Variants in NFKBIZ observed in about 807,000 individuals in gnomAD.
The protein encoded by NFKBIZ is NF-kappa-B inhibitor zeta.
A neutral mutation model predicts 76.8 loss-of-function variants in NFKBIZ; 19 were observed. The ratio of observed to expected loss-of-function variants is 0.25; its 90% CI spans 0.17 to 0.36. NFKBIZ has a LOEUF of 0.36. NFKBIZ is among the 10% of genes least tolerant of loss of function. The probability of loss-of-function intolerance (pLI) is 1.00; values close to 1 mark genes in which losing one functional copy is unlikely to be tolerated. For missense variants in NFKBIZ, 829 were observed against 910.9 expected (o/e 0.91, Z 1.16); for synonymous variants, 368 against 354.8 (o/e 1.04, Z -0.42).
chr3:101,842,344 T>G (rs1942795829), intron 2 of NFKBIZ, among the ~76,000 whole-genome samples: 1 of 152,080 alleles, frequency 6.6e-6, no homozygotes, highest in Non-Finnish European at 1.5e-5. Flanking sequence ...AGATGAAGCT[T>G]GTGAGGAAGG....
intron 1 of NFKBIZ, chr3:101,850,404 A>G (rs1461176527): frequency 1.3e-5 from 2 of 152,772 alleles, no homozygotes; most frequent in Non-Finnish European, 2.9e-5. Flanking sequence ...ACCGTCAAAG[A>G]AAAGGAAACT....
rs371525887 is a variant in NFKBIZ, at chr3:101,842,586, T to G, written c.-11-9499T>G. Among the ~76,000 whole-genome samples the G allele has an allele frequency of 2.7e-3, 402 of 151,358 alleles. 3 individuals are homozygous for G. The highest frequency in any genetic ancestry group is 0.024 in the Middle Eastern group (7 of 290). On this transcript the variant is annotated intron_variant, in intron 2 of 12. Transcript: ENST00000394054. ...TTCTTTTTCTTTTTTCATTTTCTTT[T>G]CTTTTCTTTTTTTTTTTTTTTTAGC...
intron 2 of NFKBIZ, among the ~76,000 whole-genome samples, chr3:101,834,073 A>G (rs567601046): frequency 2.6e-5 from 4 of 152,250 alleles, no homozygotes; most frequent in Non-Finnish European, 5.9e-5. Context: ...ATTTTACTGG[A>G]TAAGTAGGGC....
intron 9 of NFKBIZ, 36 bp from the exon 10 acceptor site, chr3:101,857,037 T>TC (rs113782866): frequency 0.052 from 57,661 of 1,111,872 alleles, 51 homozygotes; most frequent in South Asian, 0.059. Flanking sequence ...ATCTGGATTT[T>TC]TTTTTTTTTT....
Position 101,849,932 on chromosome 3 carries a change from C to T in NFKBIZ, c.289+15C>T, listed in dbSNP as rs557746328. Reference sequence around the variant, plus strand: ...GCGCCAGCCAGGTACCCGCCGGCCCCGCACCGCTGCGTACTCGGGGCGCGC... The same window carrying T: ...GCGCCAGCCAGGTACCCGCCGGCCCTGCACCGCTGCGTACTCGGGGCGCGC... On this transcript the variant is annotated intron_variant, in intron 1 of 11. Transcript: ENST00000326172. The T allele has an allele frequency of 5.8e-6, 8 of 1,379,754 alleles. No homozygotes were observed. In the African/African-American group the frequency reaches 9.1e-5, roughly 16 times the overall value. 85.5% of individuals were successfully genotyped at this position (1,379,754 alleles called of 1,614,324 possible). A position where few individuals can be genotyped will look rare whatever the true frequency, so the allele number is the denominator to read the frequency against.
upstream of NFKBIZ, chr3:101,849,286 G>T: frequency 5.0e-6 from 1 of 201,824 alleles, no homozygotes; most frequent in East Asian, 1.1e-4. Context: ...GGGTTTCCCG[G>T]TGAAGGGCAG....
At chr3:101,840,018 G>A (rs1191168168) in intron 2 of NFKBIZ, among the ~76,000 whole-genome samples, 1 of 151,964 alleles carries the variant, frequency 6.6e-6, no homozygotes, top group Non-Finnish European at 1.5e-5. Context: ...AAAAAGGAGG[G>A]AGAAAGGGGA....
chr3:101,848,612 G>C (rs542171009), upstream of NFKBIZ, among the ~76,000 whole-genome samples: 1 of 152,312 alleles, frequency 6.6e-6, no homozygotes, highest in South Asian at 2.1e-4. Context: ...TGAACAAATA[G>C]TTGTATAAAT....
Position 101,859,325 on chromosome 3 carries a change from G to A in NFKBIZ, c.2111G>A (p.Arg704His), listed in dbSNP as rs374327466. The A allele has an allele frequency of 9.1e-5, 147 of 1,613,348 alleles. 1 individual carries two copies. The highest frequency in any genetic ancestry group is 5.0e-4 in the Middle Eastern group (3 of 6,050). ...TATTTGTTTCTCTTCCAGATCCGAC[G>A]TATCCTGAAGGGAAAGTCCATTCAG... ...PDGPVGEQIR[R>H]ILKGKSIQQR... Residue 704 changes from arginine to histidine, a missense_variant, in exon 12 of 12, where the codon CGT (arginine) becomes CAT (histidine). This residue lies in a region of NFKBIZ where 272 missense variants were observed against 384.2 expected (regional missense o/e 0.71). Coordinates refer to ENST00000326172, the MANE Select transcript of NFKBIZ (RefSeq NM_031419.4).
intron 11 of NFKBIZ, chr3:101,857,880 T>G (rs1943073525): frequency 1.1e-6 from 1 of 887,670 alleles, no homozygotes; most frequent in African/African-American, 1.8e-5. Flanking sequence ...GGGTACAGAG[T>G]AAGAGATCAG....
chr3:101,831,597 C>A (rs1472675847), intron 2 of NFKBIZ, among the ~76,000 whole-genome samples: 1 of 151,326 alleles, frequency 6.6e-6, no homozygotes, highest in East Asian at 1.9e-4. Context: ...TTTTCTCCTT[C>A]TCCTTCTTCT....
At chr3:101,839,317 CAT>C (rs891498309) in intron 2 of NFKBIZ, among the ~76,000 whole-genome samples, 2 of 152,120 alleles carry the variant, frequency 1.3e-5, no homozygotes, top group Non-Finnish European at 2.9e-5. Context: ...ATAAGGCATT[CAT>C]GCCTTTAAAT....
chr3:101,847,985 C>A (rs187820226), upstream of NFKBIZ, among the ~76,000 whole-genome samples: 535 of 152,338 alleles, frequency 3.5e-3, 4 homozygotes, highest in African/African-American at 0.012. Flanking sequence ...ATTTCTCCCC[C>A]CCTCCAAAAG....
intron 8 of NFKBIZ, 112 bp from the exon 9 acceptor site, chr3:101,855,621 T>C (rs1943038678): frequency 1.6e-6 from 2 of 1,285,024 alleles, no homozygotes; most frequent in African/African-American, 1.5e-5. Context: ...CTAGTTCTTG[T>C]GGAGCCCATT....
intron 2 of NFKBIZ, among the ~76,000 whole-genome samples, chr3:101,842,116 C>T (rs562794042): frequency 3.7e-4 from 56 of 152,080 alleles, no homozygotes; most frequent in Admixed American, 5.9e-4. Flanking sequence ...AGGAAAGGCC[C>T]TTAGTCCAGA....
At chr3:101,853,067 A>G in intron 4 of NFKBIZ, 24 bp from the exon 5 acceptor site, 1 of 1,612,022 alleles carries the variant, frequency 6.2e-7, no homozygotes, top group Admixed American at 1.7e-5. Flanking sequence ...GTGAGTGTGC[A>G]AGTTGCATTT....
chr3:101,828,435 A>G (rs1318327774), intron 1 of NFKBIZ, among the ~76,000 whole-genome samples: 1 of 152,160 alleles, frequency 6.6e-6, no homozygotes, highest in African/African-American at 2.4e-5. Flanking sequence ...AAGGACTGAG[A>G]TACTAATGGA....
chr3:101,856,952 A>T (rs1409042527), intron 9 of NFKBIZ, 121 bp from the exon 10 acceptor site: 1 of 680,012 alleles, frequency 1.5e-6, no homozygotes, highest in Non-Finnish European at 2.6e-6. Context: ...TGGAGAAGGG[A>T]GCATTCAAAG....
chr3:101,835,811 C>G (rs1942712384), intron 2 of NFKBIZ, among the ~76,000 whole-genome samples: 1 of 152,156 alleles, frequency 6.6e-6, no homozygotes, highest in Non-Finnish European at 1.5e-5. Flanking sequence ...TTTGATGTAG[C>G]TTGATTTTAG....
Sources: gnomAD v4.1 joint callset for allele counts (sites outside exome capture counted in the v4.1 genomes callset) on GRCh38, gnomAD v4.1.1 for gene constraint, gnomAD v4.1.1 regional missense constraint, MANE v1.5 for transcripts, NCBI Gene and HGNC (gene_info 2026-07-23, HGNC 2026-07-21) for gene names.